ETS1: variants seen among roughly 807,000 people sequenced by gnomAD.
The protein encoded by ETS1 is protein C-ets-1.
Under a neutral mutation model 58.6 loss-of-function variants are expected in ETS1, and 15 were observed. The ratio of observed to expected loss-of-function variants is 0.26; its 90% CI spans 0.17 to 0.39. The LOEUF (loss-of-function observed/expected upper bound fraction) is 0.39, where lower values mean the gene tolerates loss of function less well. ETS1 is among the 10% of genes least tolerant of loss of function. The pLI is 1.00. For missense variants in ETS1, 417 were observed against 610.5 expected, an observed-to-expected ratio of 0.68 and a Z score of 3.34; for synonymous variants, 214 against 218.2, an observed-to-expected ratio of 0.98 and a Z score of 0.17.
At chr11:128,536,252 A>G (rs1565401177) in intron 3 of ETS1, among the ~76,000 whole-genome samples, 1 of 152,260 alleles carries the variant, frequency 6.6e-6, no homozygotes, top group Non-Finnish European at 1.5e-5. Flanking sequence ...AGAATTAAGC[A>G]TGTGAAAATC....
At chr11:128,516,737 G>A (rs960420681) in intron 3 of ETS1, among the ~76,000 whole-genome samples, 1 of 152,074 alleles carries the variant, frequency 6.6e-6, no homozygotes, top group Non-Finnish European at 1.5e-5. Flanking sequence ...CTAAATTTTA[G>A]GGGAAAAAAC....
intron 3 of ETS1, among the ~76,000 whole-genome samples, chr11:128,496,540 A>G (rs1247850616): frequency 6.6e-6 from 1 of 152,156 alleles, no homozygotes. Context: ...GACCAACACA[A>G]ATAGAGAAAT....
intron 1 of ETS1, 75 bp from the exon 2 acceptor site, chr11:128,573,219 G>A (rs1046990662): frequency 3.6e-5 from 37 of 1,029,056 alleles, no homozygotes; most frequent in African/African-American, 1.4e-4. Context: ...AGGAAGACAC[G>A]AACCTTAGAA....
At chr11:128,514,996 A>T (rs979543526) in intron 3 of ETS1, among the ~76,000 whole-genome samples, 2 of 152,158 alleles carry the variant, frequency 1.3e-5, no homozygotes, top group African/African-American at 4.8e-5. Context: ...ATTCAAAAAG[A>T]ATTTTGCAAT....
intron 3 of ETS1, among the ~76,000 whole-genome samples, chr11:128,496,560 C>T (rs1421009830): frequency 1.3e-5 from 2 of 152,104 alleles, no homozygotes; most frequent in African/African-American, 2.4e-5. Flanking sequence ...TGGCTGCAGC[C>T]ACACTGACGG....
At chr11:128,485,847 G>A (rs188937037) in intron 6 of ETS1, among the ~76,000 whole-genome samples, 13 of 152,230 alleles carry the variant, frequency 8.5e-5, no homozygotes, top group East Asian at 5.8e-4. Context: ...ATCAGAGAAG[G>A]ATCCTAGTGT....
At chr11:128,502,402 A>G (rs557578836) in intron 3 of ETS1, among the ~76,000 whole-genome samples, 27 of 152,364 alleles carry the variant, frequency 1.8e-4, no homozygotes, top group African/African-American at 5.8e-4. Flanking sequence ...GGTTGCAGGA[A>G]GGTGGGAACG....
At position 128,555,326 on chromosome 11, in the gene ETS1, A is replaced by G. The variant is rs370947065; in HGVS notation, c.214+965T>C. Among the ~76,000 whole-genome samples the G allele has an allele frequency of 3.9e-5, 6 of 152,304 alleles. 1 individual carries two copies. On this transcript the variant is annotated intron_variant, in intron 3 of 9. Coordinates refer to ENST00000392668, the MANE Select transcript of ETS1 (RefSeq NM_001143820.2). Reference sequence around the variant, plus strand: ...CCACTGTTATTTAAGTAATTGACCAAAGAATGTTGTGGGGTAAAATAACAC... The same window carrying G: ...CCACTGTTATTTAAGTAATTGACCAGAGAATGTTGTGGGGTAAAATAACAC...
Position 128,549,399 on chromosome 11 carries a change from G to T in ETS1, c.214+6892C>A, listed in dbSNP as rs914679135. Among the ~76,000 whole-genome samples, 2 of 152,168 alleles carry T rather than the reference G, an allele frequency of 1.3e-5. No homozygotes were observed. The highest frequency in any genetic ancestry group is 4.8e-5 in the African/African-American group (2 of 41,442). On this transcript the variant is annotated intron_variant, in intron 3 of 9. Transcript: ENST00000392668. This position sits in a 1 kb window ranked among gnomAD's most constrained non-coding sequence, Gnocchi z 4.3. ...CTGACGCCAGCCGGCGGCGTCCACC[G>T]TCCCACCCCCGTGCGAGGAGTTCCA... is the stretch of plus-strand genomic sequence containing the variant.
At chr11:128,569,703 T>C (rs1161277530) in intron 2 of ETS1, among the ~76,000 whole-genome samples, 7 of 152,214 alleles carry the variant, frequency 4.6e-5, no homozygotes, top group Non-Finnish European at 1.0e-4. Context: ...ATAAGTGTTA[T>C]TTACTTCTTA....
chr11:128,516,626 G>A (rs1300786385), intron 3 of ETS1, among the ~76,000 whole-genome samples: 1 of 152,134 alleles, frequency 6.6e-6, no homozygotes, highest in Non-Finnish European at 1.5e-5. Flanking sequence ...CATGGGCTGG[G>A]ACAGCTGGCA....
At chr11:128,522,161 C>G in intron 3 of ETS1, 1 of 1,296,916 alleles carries the variant, frequency 7.7e-7, no homozygotes, top group Non-Finnish European at 9.8e-7. Context: ...CCGGACGGTG[C>G]GCGCCCGGCA....
chr11:128,506,908 C>A (rs1182752048), intron 3 of ETS1, among the ~76,000 whole-genome samples: 1 of 152,132 alleles, frequency 6.6e-6, no homozygotes, highest in Non-Finnish European at 1.5e-5. Flanking sequence ...AAAAGGCTGC[C>A]GAGTGCTCTT....
At chr11:128,489,912 A>G (rs908587798) in intron 4 of ETS1, among the ~76,000 whole-genome samples, 2 of 152,176 alleles carry the variant, frequency 1.3e-5, no homozygotes, top group African/African-American at 4.8e-5. Context: ...TGAGACTATT[A>G]TTCTCGATTA....
chr11:128,466,931 C>G lies in ETS1; in HGVS notation c.1124-3304G>C, dbSNP rs550159044. ...GATGTCAGTTCCTGGCTCCCTCCCC[C>G]GATTCCTGTAGAGAAACCCCACAGG... On this transcript the variant is annotated intron_variant, in intron 8 of 9. Coordinates refer to ENST00000392668, the MANE Select transcript of ETS1 (RefSeq NM_001143820.2). Among the ~76,000 whole-genome samples, 15 of 152,248 alleles carry G rather than the reference C, an allele frequency of 9.9e-5. No homozygotes were observed. In the East Asian group the frequency reaches 2.5e-3, roughly 25 times the overall value.
chr11:128,539,121 T>G (rs1864017236), intron 3 of ETS1, among the ~76,000 whole-genome samples: 1 of 152,212 alleles, frequency 6.6e-6, no homozygotes, highest in South Asian at 2.1e-4. Flanking sequence ...GGATTAAATC[T>G]TCATAACCTT....
chr11:128,473,105 A>G (rs1862230806), intron 8 of ETS1, among the ~76,000 whole-genome samples: 1 of 152,172 alleles, frequency 6.6e-6, no homozygotes, highest in African/African-American at 2.4e-5. Context: ...ATATTTGGTG[A>G]AGGATTTAAA....
At chr11:128,471,851 G>T (rs1862196801) in intron 8 of ETS1, among the ~76,000 whole-genome samples, 1 of 152,180 alleles carries the variant, frequency 6.6e-6, no homozygotes, top group Admixed American at 6.5e-5. Flanking sequence ...TTCTCAGTAG[G>T]ATTCTCAACT....
chr11:128,488,985 G>A (rs1862718219), intron 5 of ETS1, among the ~76,000 whole-genome samples: 1 of 152,210 alleles, frequency 6.6e-6, no homozygotes, highest in African/African-American at 2.4e-5. Flanking sequence ...GGCACTGCTT[G>A]TTCAACCAGG....
Sources: gnomAD v4.1 joint callset for allele counts (sites outside exome capture counted in the v4.1 genomes callset) on GRCh38, gnomAD v4.1.1 for gene constraint, Gnocchi (gnomAD v3.1) non-coding constraint, MANE v1.5 for transcripts, NCBI Gene and HGNC (gene_info 2026-07-23, HGNC 2026-07-21) for gene names.